Variants in PI4K2A observed in about 807,000 individuals in gnomAD.
PI4K2A encodes phosphatidylinositol 4-kinase type 2 alpha.
A neutral mutation model predicts 55.0 loss-of-function variants in PI4K2A; 20 were observed. The observed-to-expected ratio is 0.36, with a 90% CI of 0.26 to 0.53. The LOEUF (loss-of-function observed/expected upper bound fraction) is 0.53. Ranked by LOEUF, PI4K2A falls within the 20% of genes least tolerant of loss-of-function variation. The pLI is 0.91. For missense variants in PI4K2A, 463 were observed against 637.1 expected (o/e 0.73, Z 2.94); for synonymous variants, 235 against 258.5 (o/e 0.91, Z 0.87).
intron 1 of PI4K2A, among the ~76,000 whole-genome samples, chr10:97,642,424 C>T (rs1227173598): frequency 1.4e-5 from 2 of 147,118 alleles, no homozygotes; most frequent in Non-Finnish European, 3.0e-5. Context: ...TTTTTTGAGA[C>T]AGAGTCTTGC....
intron 6 of PI4K2A, among the ~76,000 whole-genome samples, chr10:97,665,922 G>A (rs1032392816): frequency 6.6e-6 from 1 of 152,052 alleles, no homozygotes; most frequent in African/African-American, 2.4e-5. Flanking sequence ...TTATTTTATT[G>A]TTTTAGTGTA....
At chr10:97,642,846 C>CATT (rs1491514308) in intron 1 of PI4K2A, among the ~76,000 whole-genome samples, 3 of 59,222 alleles carry the variant, frequency 5.1e-5, no homozygotes, top group African/African-American at 2.0e-4. Flanking sequence ...TTCCTTCCTT[C>CATT]CTTCCTTTCT....
At chr10:97,642,802 TCTTTCTTC>T (rs1315320702) in intron 1 of PI4K2A, among the ~76,000 whole-genome samples, 14 of 139,288 alleles carry the variant, frequency 1.0e-4, no homozygotes, top group South Asian at 7.0e-4. Context: ...GCTTGCTTTC[TCTTTCTTC>T]CTTCCTTCCT....
At chr10:97,648,672 A>T (rs1010433214) in intron 1 of PI4K2A, among the ~76,000 whole-genome samples, 4 of 152,178 alleles carry the variant, frequency 2.6e-5, no homozygotes, top group Non-Finnish European at 5.9e-5. Context: ...GTTCTGGGAC[A>T]TGCTTCAAGT....
At chr10:97,643,422 G>A (rs2041488518) in intron 1 of PI4K2A, among the ~76,000 whole-genome samples, 1 of 151,898 alleles carries the variant, frequency 6.6e-6, no homozygotes, top group Non-Finnish European at 1.5e-5. Flanking sequence ...TGCATTGGAA[G>A]TGGGTTAGGT....
rs184632065 is a variant in PI4K2A, at chr10:97,641,123, C to T, written c.381C>T (p.Pro127=). The T allele has an allele frequency of 4.8e-4, 772 of 1,608,970 alleles. 3 individuals are homozygous for T. The highest frequency in any genetic ancestry group is 1.2e-3 in the Middle Eastern group (7 of 6,056). ...TGGCCATCGAGCGCTGCATCTTTCC[C>T]GAGCGCATCTACCAGGGCTCCAGCG... The change falls in exon 1 of 9, where the codon CCC becomes CCT. Residue 127 remains proline, a synonymous_variant. Coordinates refer to ENST00000370631, the Ensembl canonical transcript of PI4K2A.
chr10:97,641,224 C>A (rs780273116), intron 1 of PI4K2A, 47 bp downstream of exon 1: 6 of 1,457,738 alleles, frequency 4.1e-6, no homozygotes, highest in South Asian at 1.2e-5. Flanking sequence ...GGGCCGGCGG[C>A]GCTCCTGGGG....
In PI4K2A at chr10:97,656,152, C is replaced by A; in HGVS notation, c.637-133C>A. ...TTCCCTCTCCTAGTTGCTGGGAAGGCTGAGAAATGTATTCTTTCTGTGCCC... is the reference window on the plus strand; with the variant it reads ...TTCCCTCTCCTAGTTGCTGGGAAGGATGAGAAATGTATTCTTTCTGTGCCC... On this transcript the variant is annotated intron_variant, in intron 2 of 8. Transcript: ENST00000370631. The surrounding 1 kb of genome is among the most constrained non-coding windows in gnomAD (Gnocchi z 4.5). 1 of 735,150 alleles carries A rather than the reference C, an allele frequency of 1.4e-6. No homozygotes were observed. Among genetic ancestry groups the A allele is most frequent in the Non-Finnish European group, 2.2e-6 (1 of 448,150 alleles). The allele number at this position is 735,150 out of a possible 1,614,324, so 45.5% of individuals were successfully genotyped here.
At chr10:97,664,897 G>A in exon 6 of PI4K2A, 1 of 1,613,348 alleles carries the variant, frequency 6.2e-7, no homozygotes, top group Non-Finnish European at 8.5e-7. Flanking sequence ...CACAGACTGG[G>A]TGGTGGTGAA....
chr10:97,660,840 A>G (rs2041579027), intron 4 of PI4K2A, among the ~76,000 whole-genome samples: 1 of 152,032 alleles, frequency 6.6e-6, no homozygotes, highest in South Asian at 2.1e-4. Context: ...ACACAAAAGT[A>G]GAGAGACTGG....
At chr10:97,669,596 A>G (rs1395719792) in intron 8 of PI4K2A, among the ~76,000 whole-genome samples, 1 of 152,222 alleles carries the variant, frequency 6.6e-6, no homozygotes, top group African/African-American at 2.4e-5. Flanking sequence ...TCCAACATGT[A>G]CATGGCCAGT....
chr10:97,660,088 G>A (rs1344192793), intron 4 of PI4K2A, among the ~76,000 whole-genome samples: 1 of 131,274 alleles, frequency 7.6e-6, no homozygotes, highest in Non-Finnish European at 1.6e-5. Flanking sequence ...TGCAACCTCC[G>A]CCTCCCGGGT....
chr10:97,676,300 T>C (rs1218294325), exon 9 of PI4K2A: 1 of 152,246 alleles, frequency 6.6e-6, no homozygotes, highest in South Asian at 2.1e-4. Context: ...TGGGTAATTA[T>C]GATGTGTTCC....
exon 1 of PI4K2A, chr10:97,640,748 C>A: frequency 6.6e-7 from 1 of 1,504,036 alleles, no homozygotes. Context: ...GAGGGATGGA[C>A]GAGACGAGCC....
exon 1 of PI4K2A, chr10:97,640,926 T>C (rs7894748): frequency 4.4e-6 from 6 of 1,353,096 alleles, no homozygotes; most frequent in Non-Finnish European, 4.7e-6. Context: ...GCAGCCACTG[T>C]TGGATCGGGC....
chr10:97,675,484 C>A (rs767707592), exon 9 of PI4K2A: 4 of 152,748 alleles, frequency 2.6e-5, no homozygotes, highest in African/African-American at 4.8e-5. Flanking sequence ...GCCTTGGGAA[C>A]AATGTTCGAG....
exon 1 of PI4K2A, chr10:97,641,025 G>T (rs2041465325): frequency 1.3e-6 from 2 of 1,581,958 alleles, no homozygotes; most frequent in South Asian, 1.1e-5. Flanking sequence ...AGCCCACGCC[G>T]CTCAGGCCCA....
chr10:97,642,805 TTCTTC>T (rs2041477670), intron 1 of PI4K2A, among the ~76,000 whole-genome samples: 1 of 128,342 alleles, frequency 7.8e-6, no homozygotes, highest in Admixed American at 8.4e-5. Flanking sequence ...TGCTTTCTCT[TTCTTC>T]CTTCCTTCCT....
chr10:97,673,687 G>C (rs1417334817), exon 9 of PI4K2A: 1 of 1,613,554 alleles, frequency 6.2e-7, no homozygotes, highest in Non-Finnish European at 8.5e-7. Flanking sequence ...CGGTCTTCTA[G>C]CGAGTCCTAC....
Sources: allele counts gnomAD v4.1 joint callset (sites outside exome capture counted in the v4.1 genomes callset), GRCh38; gene constraint gnomAD v4.1.1; non-coding constraint Gnocchi (gnomAD v3.1); transcripts MANE v1.5; gene names NCBI Gene and HGNC (gene_info 2026-07-23, HGNC 2026-07-21).